CFAP251: variants seen among roughly 807,000 people sequenced by gnomAD.
The protein encoded by CFAP251 is cilia and flagella associated protein 251, also known as cilia- and flagella-associated protein 251.
In CFAP251, 93 loss-of-function variants were observed where a neutral mutation model predicts 126.7. The observed-to-expected ratio is 0.73, with a 90% confidence interval of 0.62 to 0.87. CFAP251 has a LOEUF of 0.87. Among genes scored for constraint, CFAP251 ranks in the 40% least tolerant of loss-of-function variants. The probability of loss-of-function intolerance (pLI) is 0.00; values close to 1 mark genes in which losing one functional copy is unlikely to be tolerated. For missense variants in CFAP251, 1,287 were observed against 1,389.2 expected (o/e 0.93, Z 1.17); for synonymous variants, 503 against 506.9 (o/e 0.99, Z 0.10).
chr12:121,928,771 A>G (rs914115640), intron 3 of CFAP251, among the ~76,000 whole-genome samples: 2 of 150,306 alleles, frequency 1.3e-5, no homozygotes, highest in Non-Finnish European at 3.0e-5. Flanking sequence ...ATCTCGGCTC[A>G]CAGCAACCTC....
intron 13 of CFAP251, 78 bp from the exon 14 acceptor site, chr12:121,960,507 C>G: frequency 6.5e-7 from 1 of 1,526,944 alleles, no homozygotes; most frequent in Non-Finnish European, 9.0e-7. Flanking sequence ...CGTGAGCCAC[C>G]GCGCCTGGCC....
intron 17 of CFAP251, chr12:121,968,762 G>T: frequency 6.0e-6 from 2 of 332,074 alleles, no homozygotes; most frequent in Non-Finnish European, 8.6e-6. Context: ...TGAAATGGGG[G>T]TGATAATAGG....
intron 17 of CFAP251, among the ~76,000 whole-genome samples, chr12:121,972,793 C>T (rs548581238): frequency 1.5e-4 from 23 of 152,194 alleles, no homozygotes; most frequent in East Asian, 3.9e-4. Flanking sequence ...TGGCCTCTGG[C>T]GGAAGAAATT....
chr12:121,958,377 C>A lies in CFAP251; in HGVS notation c.1836C>A (p.Ile612=), dbSNP rs969651522. 1 of 1,614,266 alleles carries A rather than the reference C, an allele frequency of 6.2e-7. No individual in the cohort carries two copies. Among genetic ancestry groups the A allele is most frequent in the Admixed American group, 1.7e-5 (1 of 60,030 alleles). ...AGCCCAAGGATGCCATTTGTGCCAT[C>A]TCCTGCCACCCATATCAACCCCTCA... ...FVEPKDAICA[I]SCHPYQPLIA... Residue 612 remains isoleucine (I), a synonymous_variant, in exon 12 of 22, where the codon ATC becomes ATA. Transcript: ENST00000288912.
At position 121,931,867 on chromosome 12, in the gene CFAP251, A is replaced by G. The variant is rs1880706783; in HGVS notation, c.869A>G (p.Asn290Ser). The G allele has an allele frequency of 6.3e-7, 1 of 1,578,642 alleles. No homozygotes were observed. Among genetic ancestry groups the G allele is most frequent in the Non-Finnish European group, 8.6e-7 (1 of 1,164,438 alleles). Residue 290 changes from asparagine to serine, a missense_variant, in exon 4 of 22, where the codon AAC becomes AGC. Asn to Ser is a conservative substitution (Grantham distance 46). Coordinates refer to ENST00000288912, the MANE Select transcript of CFAP251 (RefSeq NM_144668.6). The stretch of plus-strand genomic sequence containing the variant: ...GCGATCATCTACAACGTGTTCAGGA[A>G]CAATCAATACCACCTTCAGGTATGC... ...HTAIIYNVFR[N>S]NQYHLQGHAN...
At chr12:121,924,118 GTT>G in intron 3 of CFAP251, 128 bp downstream of exon 3, 10 of 1,047,400 alleles carry the variant, frequency 9.5e-6, no homozygotes, top group African/African-American at 1.7e-5. Context: ...ATAGACTTGT[GTT>G]TTTTTTTTTA....
intron 7 of CFAP251, among the ~76,000 whole-genome samples, chr12:121,943,712 A>G (rs1881216643): frequency 6.6e-6 from 1 of 152,296 alleles, no homozygotes; most frequent in Non-Finnish European, 1.5e-5. Flanking sequence ...GGCATGAGCC[A>G]CTGCACCTGG....
intron 19 of CFAP251, among the ~76,000 whole-genome samples, chr12:121,983,725 G>A (rs1485151842): frequency 4.6e-5 from 7 of 151,104 alleles, no homozygotes; most frequent in African/African-American, 1.7e-4. Flanking sequence ...GGATTACAGG[G>A]CTTTTTATCT....
intron 10 of CFAP251, among the ~76,000 whole-genome samples, chr12:121,954,652 A>C (rs1465718361): frequency 1.3e-5 from 2 of 149,134 alleles, no homozygotes; most frequent in African/African-American, 2.4e-5. Context: ...AAAAAAAAAA[A>C]AAAAAAAAAA....
At chr12:121,952,240 T>TAAAAAAAAAAA (rs558861973) in intron 9 of CFAP251, among the ~76,000 whole-genome samples, 19 of 92,080 alleles carry the variant, frequency 2.1e-4, no homozygotes, top group African/African-American at 5.5e-4. Context: ...TCGTTTCTAC[T>TAAAAAAAAAAA]AAAAAAAAAA....
Position 121,923,688 on chromosome 12 carries a change from T to C in CFAP251, c.445T>C (p.Leu149=). 6.2e-7 allele frequency: 1 copy of C among 1,614,138 alleles called. No homozygotes were observed. The change falls in exon 3 of 22, where the codon TTA becomes CTA. Residue 149 remains leucine (L), a synonymous_variant. Coordinates refer to ENST00000288912, the MANE Select transcript of CFAP251 (RefSeq NM_144668.6). The part of the protein sequence containing the change: ...QLEDAETDEL[L]RDLSTQIEFL... ...GGAGGATGCAGAAACAGATGAGCTT[T>C]TAAGAGACCTGAGCACACAAATTGA...
chr12:121,989,866 A>C lies in CFAP251; in HGVS notation c.3007-9850A>C, dbSNP rs1882838185. 6.6e-6 allele frequency among the ~76,000 whole-genome samples: 1 copy of C among 152,172 alleles called. No homozygotes were observed. Among genetic ancestry groups the C allele is most frequent in the African/African-American group, 2.4e-5 (1 of 41,440 alleles). On this transcript the variant is annotated intron_variant, in intron 19 of 21. Transcript: ENST00000288912. The surrounding 1 kb of genome is among the most constrained non-coding windows in gnomAD (Gnocchi z 4.2). ...CTCTCCATTTAATAGGGAGGTTGTA[A>C]AACTTAATTATAGAACATAATTCTA...
At chr12:121,954,473 A>G in intron 10 of CFAP251, 139 bp downstream of exon 10, 1 of 723,330 alleles carries the variant, frequency 1.4e-6, no homozygotes, top group Non-Finnish European at 2.2e-6. Flanking sequence ...ACATGAGGCC[A>G]GAAGTTCAAG....
chr12:121,928,698 A>G lies in CFAP251; in HGVS notation c.748-3048A>G. Among the ~76,000 whole-genome samples, 3 of 57,308 alleles carry G rather than the reference A, an allele frequency of 5.2e-5. No homozygotes were observed. The South Asian group carries it at 1.2e-3, about 23-fold the overall frequency. The allele number at this position is 57,308 out of a possible 152,430, so 37.6% of individuals were successfully genotyped here. Reference sequence around the variant, plus strand: ...TATATATATATATATACGTATATATATATATATTTTTTTTTTGAGACAGGG... The same window carrying G: ...TATATATATATATATACGTATATATGTATATATTTTTTTTTTGAGACAGGG... On this transcript the variant is annotated intron_variant, in intron 3 of 21. Coordinates refer to ENST00000288912, the MANE Select transcript of CFAP251 (RefSeq NM_144668.6).
chr12:122,003,304 T>A (rs917180044), intron 21 of CFAP251, among the ~76,000 whole-genome samples: 4 of 152,296 alleles, frequency 2.6e-5, no homozygotes, highest in African/African-American at 9.6e-5. Flanking sequence ...TGAGGCCAGA[T>A]GCGGTAGCTG....
At chr12:121,993,496 G>C (rs1452787194) in intron 19 of CFAP251, among the ~76,000 whole-genome samples, 3 of 145,568 alleles carry the variant, frequency 2.1e-5, no homozygotes, top group Non-Finnish European at 4.5e-5. Context: ...GTCTCCACCC[G>C]GCCGCCATCC....
chr12:121,945,103 C>G (rs1377770733), intron 7 of CFAP251, among the ~76,000 whole-genome samples: 1 of 152,042 alleles, frequency 6.6e-6, no homozygotes, highest in African/African-American at 2.4e-5. Context: ...TTTTGCTATG[C>G]TTTCTTCTTG....
At chr12:121,964,070 A>G (rs1005980933) in intron 15 of CFAP251, among the ~76,000 whole-genome samples, 22 of 152,166 alleles carry the variant, frequency 1.4e-4, no homozygotes, top group Admixed American at 1.3e-3. Context: ...CAGCTGGCTC[A>G]GGCTTGAAGA....
At chr12:121,965,416 C>A (rs1882086822) in intron 15 of CFAP251, among the ~76,000 whole-genome samples, 1 of 152,146 alleles carries the variant, frequency 6.6e-6, no homozygotes, top group Admixed American at 6.6e-5. Flanking sequence ...CTTCTGACTT[C>A]TAGGAATGTA....
Sources: allele counts gnomAD v4.1 joint callset (sites outside exome capture counted in the v4.1 genomes callset), GRCh38; gene constraint gnomAD v4.1.1; non-coding constraint Gnocchi (gnomAD v3.1); transcripts MANE v1.5; gene names NCBI Gene and HGNC (gene_info 2026-07-23, HGNC 2026-07-21).